The following MYH8 variants were observed in gnomAD, a reference collection of about 807,000 sequenced individuals.
The protein encoded by MYH8 is myosin heavy chain 8.
Under a neutral mutation model 233.2 loss-of-function variants are expected in MYH8, and 168 were observed. The observed-to-expected ratio is 0.72, with a 90% CI of 0.64 to 0.82. The LOEUF (loss-of-function observed/expected upper bound fraction) is 0.82, where lower values mean the gene tolerates loss of function less well. Ranked by LOEUF, MYH8 falls within the 40% of genes least tolerant of loss-of-function variation. The pLI, the probability that MYH8 is intolerant of heterozygous loss-of-function variation, is 0.00. For synonymous variants in MYH8, 785 were observed against 850.6 expected, an observed-to-expected ratio of 0.92 and a Z score of 1.34; for missense variants, 1,995 against 2,327.8, an observed-to-expected ratio of 0.86 and a Z score of 2.94.
chr17:10,405,945 A>G (rs571445293), intron 21 of MYH8, 96 bp downstream of exon 21: 15 of 1,466,048 alleles, frequency 1.0e-5, no homozygotes, highest in Non-Finnish European at 1.4e-5. Context: ...GGTGAGAGGA[A>G]CTATTAGCCA....
chr17:10,396,515 C>G lies in MYH8; in HGVS notation c.4528+38G>C. ...AGATGGCAACATGGAAAGGTCCTCC[C>G]AGGGATATATGGAGTAGGGAGGACT... On this transcript the variant is annotated intron_variant, in intron 32 of 39. Transcript: ENST00000403437. This position sits in a 1 kb window ranked among gnomAD's most constrained non-coding sequence, Gnocchi z 4.2. 6.2e-7 allele frequency: 1 copy of G among 1,613,848 alleles called. No individual in the cohort carries two copies. The highest frequency in any genetic ancestry group is 8.5e-7 in the Non-Finnish European group (1 of 1,179,868).
At chr17:10,402,673 T>C (rs2072154770) in intron 22 of MYH8, among the ~76,000 whole-genome samples, 1 of 152,006 alleles carries the variant, frequency 6.6e-6, no homozygotes, top group Admixed American at 6.6e-5. Context: ...TGAAAGTAAA[T>C]GGCAGATATC....
Position 10,409,369 on chromosome 17 carries a change from G to A in MYH8, c.1807C>T (p.Pro603Ser), listed in dbSNP as rs1490962380. 1.9e-6 allele frequency: 3 copies of A among 1,614,050 alleles called. No individual in the cohort carries two copies. The East Asian group carries it at 6.7e-5, about 36-fold the overall frequency. Reference protein sequence around the residue: ...ITGWLDKNKDPLNDTVVGLYQ... With the variant: ...ITGWLDKNKDSLNDTVVGLYQ... ...AGCCCAACCACAGTATCATTCAGGG[G>A]GTCCTTATTTTTGTCCAGCCAGCCA... Residue 603 changes from proline (P) to serine (S), a missense_variant, in exon 16 of 40, where the codon CCC (proline) becomes TCC (serine). Physicochemically the swap from Pro to Ser is moderately conservative, Grantham distance 74. Coordinates refer to ENST00000403437, the MANE Select transcript of MYH8 (RefSeq NM_002472.3).
chr17:10,395,175 T>C lies in MYH8; in HGVS notation c.4920A>G (p.Ala1640=). 1.9e-6 allele frequency: 3 copies of C among 1,614,078 alleles called. No homozygotes were observed. The highest frequency in any genetic ancestry group is 2.2e-5 in the South Asian group (2 of 91,084). ...TGTTCCTGTAGTTCCTTAAACTCTC[T>C]GCAGCTAAGCGATTGGCATGGTTCA... is the stretch of plus-strand genomic sequence containing the variant. The part of the protein sequence containing the change: ...IQLNHANRLA[A]ESLRNYRNTQ... The change falls in exon 34 of 40, where the codon GCA becomes GCG. Residue 1640 remains alanine (A), a synonymous_variant. Transcript: ENST00000403437.
In MYH8 at chr17:10,420,140, G is replaced by C. The variant is rs377256959; in HGVS notation, c.88C>G (p.Gln30Glu). The C allele has an allele frequency of 1.2e-6, 2 of 1,614,188 alleles. No individual in the cohort carries two copies. Among genetic ancestry groups the C allele is most frequent in the South Asian group, 1.1e-5 (1 of 91,086 alleles). ...RKSEKERIEA[Q>E]NKPFDAKTSV... ...GTTTTAGCATCAAACGGCTTGTTTT[G>C]GGCCTCAATCCGCTCCTTTTCTGAT... Residue 30 changes from glutamine to glutamate, a missense_variant, in exon 3 of 40, where the codon CAA becomes GAA. Transcript: ENST00000403437.
At position 10,409,581 on chromosome 17, in the gene MYH8, C is replaced by G; in HGVS notation, c.1595G>C (p.Gly532Ala). 1 of 1,614,152 alleles carries G rather than the reference C, an allele frequency of 6.2e-7. No homozygotes were observed. The highest frequency in any genetic ancestry group is 8.5e-7 in the Non-Finnish European group (1 of 1,180,010). ...CTCCTCTTCCAGGATGGAGAAGATG[C>G]CCAGTGGCTGAATTCAGAAAAGTAA... ...ACIELIEKPLGIFSILEEECM... is the reference protein window; with the variant it reads ...ACIELIEKPLAIFSILEEECM... Residue 532 changes from glycine to alanine, a missense_variant, in exon 16 of 40, where the codon GGC becomes GCC. By Grantham distance (60) the Gly-to-Ala change is moderately conservative. This residue lies in a region of MYH8 where 1,498 missense variants were observed against 1,680.9 expected (regional missense o/e 0.89). Coordinates refer to ENST00000403437, the MANE Select transcript of MYH8 (RefSeq NM_002472.3).
rs973052434 is a variant in MYH8, at chr17:10,390,327, T to C, written c.*127A>G. Reference sequence around the variant, plus strand: ...GTGAAAAAATGAAAGTCCGGTTTAATGTATACATTTACTGTAGTTTTTATT... The same window carrying C: ...GTGAAAAAATGAAAGTCCGGTTTAACGTATACATTTACTGTAGTTTTTATT... On this transcript the variant is annotated 3_prime_UTR_variant, in exon 40 of 40. Transcript: ENST00000403437. 1.6e-6 allele frequency: 2 copies of C among 1,247,342 alleles called. No homozygotes were observed. The highest frequency in any genetic ancestry group is 2.3e-5 in the East Asian group (1 of 43,016). The allele number at this position is 1,247,342 out of a possible 1,614,324, so 77.3% of individuals were successfully genotyped here. A position where few individuals can be genotyped will look rare whatever the true frequency, so the allele number is the denominator to read the frequency against.
rs372766209 is a variant in MYH8, at chr17:10,412,453, G to A, written c.1333C>T (p.Arg445Cys). 1.4e-4 allele frequency: 230 copies of A among 1,614,104 alleles called. No individual in the cohort carries two copies. The highest frequency in any genetic ancestry group is 1.8e-4 in the Non-Finnish European group (209 of 1,180,048). ...TTGGTGTCCAGCTGCTGGTTGATGC[G>A]GGTGACCATCCACAGGAACATCTTC... is the stretch of plus-strand genomic sequence containing the variant. Reference protein sequence around the residue: ...YEKMFLWMVTRINQQLDTKQP... With the variant: ...YEKMFLWMVTCINQQLDTKQP... Residue 445 changes from arginine to cysteine, a missense_variant, in exon 14 of 40, where the codon CGC becomes TGC. Arg to Cys is a radical substitution (Grantham distance 180). This residue lies in a region of MYH8 where 479 missense variants were observed against 600.9 expected (regional missense o/e 0.80). Transcript: ENST00000403437.
At chr17:10,393,615 G>A (rs139702037) in intron 35 of MYH8, among the ~76,000 whole-genome samples, 14 of 152,274 alleles carry the variant, frequency 9.2e-5, no homozygotes, top group African/African-American at 3.4e-4. Context: ...TTTATGATTT[G>A]TTCTGTCGGA....
At chr17:10,393,315 T>A in intron 35 of MYH8, 105 bp from the exon 36 acceptor site, 2 of 1,396,500 alleles carry the variant, frequency 1.4e-6, no homozygotes, top group South Asian at 2.4e-5. Context: ...CTGGCAACAT[T>A]TCACTAAACT....
chr17:10,398,165 C>T (rs1597398225), intron 30 of MYH8, among the ~76,000 whole-genome samples: 1 of 152,166 alleles, frequency 6.6e-6, no homozygotes, highest in East Asian at 1.9e-4. Context: ...AGGCTCCAAA[C>T]CCAGCTGTAT....
intron 28 of MYH8, 108 bp from the exon 29 acceptor site, chr17:10,398,994 G>GTGTGTACA (rs1555555758): frequency 3.2e-6 from 1 of 311,542 alleles, no homozygotes; most frequent in Non-Finnish European, 5.8e-6. Context: ...ATGTGTGTGT[G>GTGTGTACA]TATATATATA....
chr17:10,392,756 CT>C, intron 37 of MYH8, 74 bp downstream of exon 37: 1 of 1,614,070 alleles, frequency 6.2e-7, no homozygotes, highest in South Asian at 1.1e-5. Context: ...GGATGGGAGT[CT>C]TGTGTAGGAA....
At position 10,419,891 on chromosome 17, in the gene MYH8, TA is replaced by T; in HGVS notation, c.210+126del. On this transcript the variant is annotated intron_variant, in intron 3 of 39. Transcript: ENST00000403437. The surrounding 1 kb of genome is among the most constrained non-coding windows in gnomAD (Gnocchi z 4.0). ...GTGAATTTCTTTTGCCTTCCACATC[TA>T]ATGTCTCAACACTGACTAGAAGGGT... 1.9e-6 allele frequency: 2 copies of T among 1,071,700 alleles called. No individual in the cohort carries two copies. The highest frequency in any genetic ancestry group is 1.3e-5 in the South Asian group (1 of 78,658). 66.4% of individuals were successfully genotyped at this position (1,071,700 alleles called of 1,614,324 possible). A position where few individuals can be genotyped will look rare whatever the true frequency, so the allele number is the denominator to read the frequency against.
At chr17:10,391,259 A>T (rs1162475002) in intron 39 of MYH8, among the ~76,000 whole-genome samples, 1 of 152,214 alleles carries the variant, frequency 6.6e-6, no homozygotes, top group African/African-American at 2.4e-5. Context: ...GATTTTTTCT[A>T]TGTCTAGAGG....
chr17:10,402,180 A>C (rs563502242), intron 22 of MYH8, among the ~76,000 whole-genome samples: 1 of 152,322 alleles, frequency 6.6e-6, no homozygotes, highest in East Asian at 1.9e-4. Flanking sequence ...GGGTTGGAAT[A>C]AATGATTGCC....
chr17:10,397,261 A>AT (rs752590234), intron 30 of MYH8, among the ~76,000 whole-genome samples: 12 of 151,012 alleles, frequency 7.9e-5, no homozygotes, highest in Non-Finnish European at 1.2e-4. Flanking sequence ...ATATATGTAT[A>AT]TTTTTTTTTA....
At chr17:10,394,601 C>T in intron 34 of MYH8, 149 bp from the exon 35 acceptor site, 2 of 1,009,628 alleles carry the variant, frequency 2.0e-6, no homozygotes, top group Non-Finnish European at 2.9e-6. Flanking sequence ...AGGTCATTTG[C>T]TTAGGGTGAG....
intron 22 of MYH8, among the ~76,000 whole-genome samples, chr17:10,402,539 T>C (rs985061296): frequency 9.9e-5 from 15 of 152,126 alleles, no homozygotes; most frequent in Non-Finnish European, 4.4e-5. Flanking sequence ...AATTGCCATA[T>C]ACCATTTACC....
Sources: allele counts gnomAD v4.1 joint callset (sites outside exome capture counted in the v4.1 genomes callset), GRCh38; gene constraint gnomAD v4.1.1; regional missense constraint gnomAD v4.1.1; non-coding constraint Gnocchi (gnomAD v3.1); transcripts MANE v1.5; gene names NCBI Gene and HGNC (gene_info 2026-07-23, HGNC 2026-07-21).